NRP2: variants seen among roughly 807,000 people sequenced by gnomAD.
NRP2 encodes the protein neuropilin-2.
Under a neutral mutation model 110.4 loss-of-function variants are expected in NRP2, and 52 were observed. The ratio of observed to expected loss-of-function variants is 0.47; its 90% confidence interval spans 0.38 to 0.59. The LOEUF is 0.59. Among genes scored for constraint, NRP2 ranks in the 20% least tolerant of loss-of-function variants. The probability of loss-of-function intolerance (pLI) is 0.00; values close to 1 mark genes in which losing one functional copy is unlikely to be tolerated. For missense variants in NRP2, 1,049 were observed against 1,203.0 expected, an observed-to-expected ratio of 0.87 and a Z score of 1.89; for synonymous variants, 508 against 468.9, an observed-to-expected ratio of 1.08 and a Z score of -1.08.
intron 15 of NRP2, among the ~76,000 whole-genome samples, chr2:205,787,557 T>G (rs1226645004): frequency 6.6e-6 from 1 of 152,196 alleles, no homozygotes; most frequent in South Asian, 2.1e-4. Context: ...TCGAGGCCAA[T>G]ATACTCATAC....
At chr2:205,752,775 T>G (rs1311888969) in intron 11 of NRP2, 60 bp from the exon 12 acceptor site, 1 of 1,586,774 alleles carries the variant, frequency 6.3e-7, no homozygotes, top group African/African-American at 1.3e-5. Flanking sequence ...AGTACCACTG[T>G]GGCTGTTCTC....
rs141076137 is a variant in NRP2 at position 205,743,360 on chromosome 2, C to A, written c.1449C>A (p.Pro483=). The change falls in exon 9 of 17, where the codon CCC becomes CCA. Residue 483 remains proline (P), a synonymous_variant. Transcript: ENST00000357785. Reference sequence around the variant, plus strand: ...TCCCTCGAATCCCTCAGGCCCAGCCCGGTGAGGAGTGGCTTCAGGTAGATC... The same window carrying A: ...TCCCTCGAATCCCTCAGGCCCAGCCAGGTGAGGAGTGGCTTCAGGTAGATC... ...GWFPRIPQAQ[P]GEEWLQVDLG... is the part of the protein sequence containing the mutation. 1 of 1,614,220 alleles carries A rather than the reference C, an allele frequency of 6.2e-7. No homozygotes were observed. Among genetic ancestry groups the A allele is most frequent in the Non-Finnish European group, 8.5e-7 (1 of 1,180,040 alleles).
intron 10 of NRP2, among the ~76,000 whole-genome samples, chr2:205,747,320 C>T (rs1227624793): frequency 6.6e-6 from 1 of 152,180 alleles, no homozygotes; most frequent in Non-Finnish European, 1.5e-5. Context: ...GGCTGCATAA[C>T]CTCAGAAAAG....
intron 9 of NRP2, 37 bp downstream of exon 9, chr2:205,743,589 C>T (rs2057483856): frequency 6.2e-7 from 1 of 1,609,244 alleles, no homozygotes. Flanking sequence ...ACGTTACCCT[C>T]AACAGGGAGG....
At chr2:205,767,122 G>A in intron 15 of NRP2, 1 of 441,880 alleles carries the variant, frequency 2.3e-6, no homozygotes, top group Non-Finnish European at 4.1e-6. Flanking sequence ...GGTGAGAAAG[G>A]AGAGACTGTG....
At chr2:205,700,526 T>C (rs1427775855) in intron 2 of NRP2, among the ~76,000 whole-genome samples, 3 of 152,188 alleles carry the variant, frequency 2.0e-5, no homozygotes, top group African/African-American at 7.2e-5. Flanking sequence ...ACTGCAAAGA[T>C]TGCCCCAAAG....
chr2:205,708,736 C>T (rs1387457517), intron 2 of NRP2, among the ~76,000 whole-genome samples: 1 of 152,174 alleles, frequency 6.6e-6, no homozygotes, highest in African/African-American at 2.4e-5. Context: ...CCGTGTACTT[C>T]CTTTGGTGGG....
intron 3 of NRP2, among the ~76,000 whole-genome samples, chr2:205,720,192 T>C (rs1401643201): frequency 6.6e-6 from 1 of 152,036 alleles, no homozygotes; most frequent in Admixed American, 6.5e-5. Flanking sequence ...CAAAAGTTTT[T>C]CCACCGCCTT....
chr2:205,748,110 C>T (rs1163018916), intron 10 of NRP2, among the ~76,000 whole-genome samples: 1 of 152,176 alleles, frequency 6.6e-6, no homozygotes, highest in African/African-American at 2.4e-5. Flanking sequence ...CACGCCCTGC[C>T]CTCCGGTGCC....
chr2:205,772,456 G>A (rs1272098285), intron 15 of NRP2, among the ~76,000 whole-genome samples: 1 of 152,182 alleles, frequency 6.6e-6, no homozygotes, highest in Non-Finnish European at 1.5e-5. Context: ...ACAGATGGGA[G>A]CCTGTGCAAC....
intron 12 of NRP2, chr2:205,759,648 C>T (rs1223486113): frequency 2.0e-5 from 3 of 152,224 alleles, no homozygotes; most frequent in Non-Finnish European, 4.4e-5. Context: ...TAAGGGGAAC[C>T]AGTCTTTGTC....
chr2:205,744,412 G>A (rs1021402518), intron 9 of NRP2, among the ~76,000 whole-genome samples: 9 of 152,168 alleles, frequency 5.9e-5, no homozygotes, highest in Non-Finnish European at 1.5e-5. Context: ...AGTTTTGACT[G>A]CTTAGATCTT....
Position 205,725,060 on chromosome 2 carries a change from C to A in NRP2, c.821-853C>A, listed in dbSNP as rs1410468643. On this transcript the variant is annotated intron_variant, in intron 5 of 16. Coordinates refer to ENST00000357785, the MANE Select transcript of NRP2 (RefSeq NM_003872.3). This position sits in a 1 kb window ranked among gnomAD's most constrained non-coding sequence, Gnocchi z 4.1. Reference sequence around the variant, plus strand: ...TGCAGACAACTCACCATATATATAACTACAGACACGGCAGCCTGGCCTGCA... The same window carrying A: ...TGCAGACAACTCACCATATATATAAATACAGACACGGCAGCCTGGCCTGCA... Among the ~76,000 whole-genome samples the A allele has an allele frequency of 6.6e-6, 1 of 152,208 alleles. No individual in the cohort carries two copies. The highest frequency in any genetic ancestry group is 1.9e-4 in the East Asian group (1 of 5,206).
At chr2:205,739,736 T>C (rs1351884361) in intron 7 of NRP2, among the ~76,000 whole-genome samples, 2 of 149,134 alleles carry the variant, frequency 1.3e-5, no homozygotes, top group Non-Finnish European at 3.0e-5. Context: ...AAGGTCCATA[T>C]GGCAGTTATT....
intron 2 of NRP2, among the ~76,000 whole-genome samples, chr2:205,709,622 C>A (rs2056757940): frequency 6.6e-6 from 1 of 152,212 alleles, no homozygotes; most frequent in South Asian, 2.1e-4. Flanking sequence ...TTACACAACA[C>A]CCTCTTAGGT....
At chr2:205,792,367 A>G (rs764704635) in intron 16 of NRP2, 82 bp downstream of exon 16, 7 of 967,408 alleles carry the variant, frequency 7.2e-6, no homozygotes, top group Non-Finnish European at 1.0e-5. Context: ...TGCTCTGGGT[A>G]TCGGAGGGCC....
chr2:205,721,314 G>C (rs3755242), intron 3 of NRP2, among the ~76,000 whole-genome samples: 17,051 of 152,188 alleles, frequency 0.11, 1,119 homozygotes, highest in African/African-American at 0.17. Flanking sequence ...TTTATGCTTA[G>C]AGTGTCTATT....
chr2:205,733,036 C>T (rs1431764760), intron 7 of NRP2, among the ~76,000 whole-genome samples: 1 of 152,128 alleles, frequency 6.6e-6, no homozygotes, highest in African/African-American at 2.4e-5. Context: ...GCTGATACCC[C>T]TTCCAAGTTC....
intron 7 of NRP2, among the ~76,000 whole-genome samples, chr2:205,738,042 G>A (rs764695941): frequency 2.6e-5 from 4 of 152,206 alleles, no homozygotes; most frequent in Admixed American, 6.5e-5. Context: ...GTCTCTTAGC[G>A]TTGCCTGCCA....
Sources: allele counts gnomAD v4.1 joint callset (sites outside exome capture counted in the v4.1 genomes callset), GRCh38; gene constraint gnomAD v4.1.1; non-coding constraint Gnocchi (gnomAD v3.1); transcripts MANE v1.5; gene names NCBI Gene and HGNC (gene_info 2026-07-23, HGNC 2026-07-21).